Variants in ADD3 observed in about 807,000 individuals in gnomAD.
ADD3 encodes the protein adducin 3.
Under a neutral mutation model 80.2 loss-of-function variants are expected in ADD3, and 25 were observed. The observed-to-expected ratio is 0.31, with a 90% CI of 0.23 to 0.44. The LOEUF is 0.44. Ranked by LOEUF, ADD3 falls within the 20% of genes least tolerant of loss-of-function variation. The pLI, the probability that ADD3 is intolerant of heterozygous loss-of-function variation, is 1.00. For missense variants in ADD3, 829 were observed against 847.5 expected (o/e 0.98, Z 0.27); for synonymous variants, 284 against 289.6 (o/e 0.98, Z 0.20).
At chr10:110,001,693 GT>G (rs1851489499), upstream of ADD3, among the ~76,000 whole-genome samples, 1 of 152,060 alleles carries the variant, frequency 6.6e-6, no homozygotes, top group Non-Finnish European at 1.5e-5. Context: ...TTTAAAAAAA[GT>G]CTCAATCCAG....
chr10:110,122,215 G>C lies in ADD3; in HGVS notation c.1066G>C (p.Val356Leu). Residue 356 changes from valine (V) to leucine (L), a missense_variant, in exon 9 of 15, where the codon GTG becomes CTG. Val to Leu is a conservative substitution (Grantham distance 32). Transcript: ENST00000356080. ...YTVAASGGGG[V>L]NMGSHQKWKV... ...TGTAGCAGCGTCTGGTGGAGGAGGT[G>C]TGAATATGGGTTCCCATCAAAAATG... 1 of 1,614,160 alleles carries C rather than the reference G, an allele frequency of 6.2e-7. No homozygotes were observed. Among genetic ancestry groups the C allele is most frequent in the Non-Finnish European group, 8.5e-7 (1 of 1,180,008 alleles).
intron 1 of ADD3, among the ~76,000 whole-genome samples, chr10:110,068,293 C>A (rs1052969502): frequency 5.3e-5 from 8 of 152,170 alleles, no homozygotes; most frequent in Non-Finnish European, 5.9e-5. Flanking sequence ...CCACCTCCCC[C>A]CCTCCTTTCT....
chr10:110,111,913 CAAAAA>C (rs58821402), intron 2 of ADD3, among the ~76,000 whole-genome samples: 52 of 141,508 alleles, frequency 3.7e-4, no homozygotes, highest in African/African-American at 7.5e-5. Context: ...AACTCTGTCT[CAAAAA>C]AAAAAGAAAA....
chr10:110,126,306 G>A (rs1223897754), intron 11 of ADD3, 111 bp from the exon 12 acceptor site: 11 of 772,160 alleles, frequency 1.4e-5, no homozygotes, highest in Middle Eastern at 2.9e-4. Context: ...GGGAATTGAA[G>A]AGACTCTCAC....
At position 110,126,642 on chromosome 10, in the gene ADD3, C is replaced by T. The variant is rs76157444; in HGVS notation, c.1608+139C>T. 2.4e-5 allele frequency: 15 copies of T among 631,078 alleles called. No individual in the cohort carries two copies. The South Asian group carries it at 2.9e-4, about 12-fold the overall frequency. The allele number at this position is 631,078 out of a possible 1,614,324, so 39.1% of individuals were successfully genotyped here. On this transcript the variant is annotated intron_variant, in intron 12 of 14. Coordinates refer to ENST00000356080, the MANE Select transcript of ADD3 (RefSeq NM_016824.5). ...TCAACTCACAAGATTTAAAATGTCACCCACAATTCCCAGTTTCCAGGTGCA... is the reference window on the plus strand; with the variant it reads ...TCAACTCACAAGATTTAAAATGTCATCCACAATTCCCAGTTTCCAGGTGCA...
chr10:110,128,124 C>G (rs568217163), intron 12 of ADD3, among the ~76,000 whole-genome samples: 6 of 131,502 alleles, frequency 4.6e-5, no homozygotes, highest in Admixed American at 1.7e-4. Flanking sequence ...TGATTGTGTG[C>G]TGATCTCTTT....
In ADD3 at chr10:110,089,194, G is replaced by T. The variant is rs945600587; in HGVS notation, c.-29-11431G>T. On this transcript the variant is annotated intron_variant, in intron 1 of 14. Transcript: ENST00000356080. ...AATAAAAATAAAAAAAAAGCTTTTT[G>T]CCTAGAAAGACTACCAAATAAGAAT... 2.0e-5 allele frequency among the ~76,000 whole-genome samples: 3 copies of T among 151,924 alleles called. No homozygotes were observed. The East Asian group carries it at 5.8e-4, about 29-fold the overall frequency.
chr10:110,115,037 C>G (rs1412887677), intron 3 of ADD3, among the ~76,000 whole-genome samples: 1 of 148,346 alleles, frequency 6.7e-6, no homozygotes, highest in African/African-American at 2.5e-5. Context: ...CATGATCACA[C>G]CACTGCATTG....
intron 1 of ADD3, among the ~76,000 whole-genome samples, chr10:110,022,495 C>T (rs145599326): frequency 1.4e-3 from 211 of 152,098 alleles, no homozygotes; most frequent in African/African-American, 4.9e-3. Context: ...TAAAATTCAC[C>T]TCCTAATTTT....
intron 1 of ADD3, among the ~76,000 whole-genome samples, chr10:110,044,638 GA>G (rs1202603760): frequency 6.6e-6 from 1 of 152,178 alleles, no homozygotes; most frequent in Non-Finnish European, 1.5e-5. Flanking sequence ...ATGGGGAGGA[GA>G]ACAAATATAT....
intron 1 of ADD3, among the ~76,000 whole-genome samples, chr10:110,057,863 T>C (rs548781464): frequency 2.9e-4 from 44 of 152,334 alleles, no homozygotes; most frequent in Non-Finnish European, 3.2e-4. Flanking sequence ...GAGCTAATGA[T>C]AAGTTAGTGA....
intron 1 of ADD3, among the ~76,000 whole-genome samples, chr10:110,071,351 T>C (rs537933955): frequency 5.9e-5 from 9 of 152,320 alleles, no homozygotes; most frequent in Admixed American, 3.3e-4. Flanking sequence ...ATTGTACCTA[T>C]AATCAACAGT....
rs775567134 is a variant in ADD3, at chr10:110,124,057, G to C, written c.1184G>C (p.Arg395Pro). The change falls in exon 10 of 15, where the codon CGA (arginine) becomes CCA (proline). Residue 395 changes from arginine to proline, a missense_variant. Physicochemically the swap from Arg to Pro is moderately radical, Grantham distance 103. Transcript: ENST00000356080. The stretch of plus-strand genomic sequence containing the variant: ...TATGCTTACAGGCATCCTCTCATTC[G>C]AGAGAAGCCTAGGCACAAGAGTGAT... ...TGYAYRHPLI[R>P]EKPRHKSDVE... is the part of the protein sequence containing the mutation. The C allele has an allele frequency of 6.2e-7, 1 of 1,614,044 alleles. No individual in the cohort carries two copies. Among genetic ancestry groups the C allele is most frequent in the South Asian group, 1.1e-5 (1 of 91,070 alleles).
intron 2 of ADD3, among the ~76,000 whole-genome samples, chr10:110,107,288 A>T (rs1564990200): frequency 6.6e-6 from 1 of 152,132 alleles, no homozygotes; most frequent in Non-Finnish European, 1.5e-5. Context: ...TTGGATGATT[A>T]GGTGACTTCA....
At chr10:110,022,665 G>C (rs1853815830) in intron 1 of ADD3, among the ~76,000 whole-genome samples, 1 of 152,178 alleles carries the variant, frequency 6.6e-6, no homozygotes, top group African/African-American at 2.4e-5. Context: ...TAGTGGTGAA[G>C]ATAGACATTT....
At position 110,134,640 on chromosome 10, in the gene ADD3, C is replaced by G. The variant is rs545680631; in HGVS notation, c.*1022C>G. 1.4e-4 allele frequency: 22 copies of G among 152,568 alleles called. No individual in the cohort carries two copies. The highest frequency in any genetic ancestry group is 5.1e-4 in the African/African-American group (21 of 41,522). 9.5% of individuals were successfully genotyped at this position (152,568 alleles called of 1,614,324 possible). A position where few individuals can be genotyped will look rare whatever the true frequency, so the allele number is the denominator to read the frequency against. On this transcript the variant is annotated 3_prime_UTR_variant, in exon 15 of 15. Coordinates refer to ENST00000356080, the MANE Select transcript of ADD3 (RefSeq NM_016824.5). Reference sequence around the variant, plus strand: ...AAGGGAAAGTGAAAAATTAAGGGGACAAAAGATGGGATGTGAAAAGAAGAA... The same window carrying G: ...AAGGGAAAGTGAAAAATTAAGGGGAGAAAAGATGGGATGTGAAAAGAAGAA...
chr10:110,007,639 C>A (rs1313918726), upstream of ADD3, among the ~76,000 whole-genome samples: 3 of 152,184 alleles, frequency 2.0e-5, no homozygotes, highest in South Asian at 2.1e-4. Flanking sequence ...AGGCGCCAGG[C>A]AGCCGCCCCG....
chr10:110,132,408 A>G lies in ADD3; in HGVS notation c.1828+8A>G, dbSNP rs372427266. ...TCCCTGAAAAATTAGAAGGTACTCA[A>G]TGTAATTTCCCACATAGCATTCACT... On this transcript the variant is annotated splice_region_variant and intron_variant, in intron 14 of 14. Transcript: ENST00000356080. The G allele has an allele frequency of 3.8e-5, 61 of 1,585,538 alleles. No homozygotes were observed. The highest frequency in any genetic ancestry group is 3.3e-4 in the Middle Eastern group (2 of 6,024).
At chr10:110,071,889 A>AT (rs1384819569) in intron 1 of ADD3, among the ~76,000 whole-genome samples, 3 of 151,304 alleles carry the variant, frequency 2.0e-5, no homozygotes, top group Non-Finnish European at 2.9e-5. Context: ...TGTTGTGTAC[A>AT]TTTTTTTATC....
Sources: gnomAD v4.1 joint callset for allele counts (sites outside exome capture counted in the v4.1 genomes callset) on GRCh38, gnomAD v4.1.1 for gene constraint, MANE v1.5 for transcripts, NCBI Gene and HGNC (gene_info 2026-07-23, HGNC 2026-07-21) for gene names.